PDE4B: variants seen among roughly 807,000 people sequenced by gnomAD.
PDE4B encodes the protein phosphodiesterase 4B.
Under a neutral mutation model 82.2 loss-of-function variants are expected in PDE4B, and 20 were observed. The observed-to-expected ratio is 0.24, with a 90% CI of 0.17 to 0.35. PDE4B has a LOEUF of 0.35. PDE4B is among the 10% of genes least tolerant of loss of function. The pLI is 1.00. For missense variants in PDE4B, 655 were observed against 907.2 expected, an observed-to-expected ratio of 0.72 and a Z score of 3.57; for synonymous variants, 320 against 318.9, an observed-to-expected ratio of 1.00 and a Z score of -0.04.
intron 1 of PDE4B, among the ~76,000 whole-genome samples, chr1:65,859,666 T>G (rs1299437335): frequency 1.3e-5 from 2 of 152,118 alleles, no homozygotes; most frequent in Non-Finnish European, 2.9e-5. Context: ...CAATATATGC[T>G]CAAAACAACA....
chr1:66,079,800 G>A (rs1448210783), intron 3 of PDE4B, among the ~76,000 whole-genome samples: 3 of 152,034 alleles, frequency 2.0e-5, no homozygotes, highest in African/African-American at 7.2e-5. Flanking sequence ...TGAAGTATGT[G>A]AGAACTCTAT....
chr1:65,993,808 G>C (rs562195857), intron 3 of PDE4B, among the ~76,000 whole-genome samples: 158 of 152,050 alleles, frequency 1.0e-3, no homozygotes, highest in African/African-American at 3.6e-3. Context: ...TAAATACCCA[G>C]CAAATAAATT....
intron 1 of PDE4B, among the ~76,000 whole-genome samples, chr1:65,809,332 C>CAAAAAAAAAAA (rs11366228): frequency 2.8e-5 from 2 of 72,514 alleles, no homozygotes; most frequent in Admixed American, 2.1e-4. Flanking sequence ...CTCCATCTCA[C>CAAAAAAAAAAA]AAAAAAAAAA....
chr1:66,107,458 T>C (rs1294307122), intron 3 of PDE4B, among the ~76,000 whole-genome samples: 1 of 151,830 alleles, frequency 6.6e-6, no homozygotes, highest in Non-Finnish European at 1.5e-5. Flanking sequence ...TGTTTTGATT[T>C]CTTCACTTAA....
At chr1:65,841,381 A>AAAGGAAAGGAAGG (rs1553190179) in intron 1 of PDE4B, among the ~76,000 whole-genome samples, 1 of 150,226 alleles carries the variant, frequency 6.7e-6, no homozygotes, top group Admixed American at 6.7e-5. Context: ...AAAGGAAAGG[A>AAAGGAAAGGAAGG]AAGGAAGGAA....
chr1:66,096,724 G>A (rs1326182325), intron 3 of PDE4B, among the ~76,000 whole-genome samples: 5 of 150,854 alleles, frequency 3.3e-5, no homozygotes, highest in Non-Finnish European at 7.4e-5. Context: ...TTTCTATTGG[G>A]CAATGTTTTC....
chr1:66,288,012 G>T (rs1357600651), intron 7 of PDE4B, among the ~76,000 whole-genome samples: 1 of 151,944 alleles, frequency 6.6e-6, no homozygotes, highest in East Asian at 1.9e-4. Context: ...GCCCATTATT[G>T]CATTGCCGTA....
intron 7 of PDE4B, among the ~76,000 whole-genome samples, chr1:66,299,679 A>G (rs1185018544): frequency 6.6e-6 from 1 of 152,138 alleles, no homozygotes; most frequent in Non-Finnish European, 1.5e-5. Flanking sequence ...TTTCCCATCA[A>G]CAGTTTATAA....
At chr1:65,894,044 T>C (rs139447452) in intron 1 of PDE4B, among the ~76,000 whole-genome samples, 185 of 152,128 alleles carry the variant, frequency 1.2e-3, no homozygotes, top group African/African-American at 4.0e-3. Flanking sequence ...TTGGGCACAG[T>C]GTACACTGCT....
chr1:65,872,427 C>T (rs938519936), intron 1 of PDE4B, among the ~76,000 whole-genome samples: 4 of 152,056 alleles, frequency 2.6e-5, no homozygotes, highest in South Asian at 2.1e-4. Context: ...TCAGTTGACA[C>T]TGGGCTCACT....
intron 1 of PDE4B, among the ~76,000 whole-genome samples, chr1:65,873,299 A>T (rs377675510): frequency 3.3e-5 from 5 of 152,326 alleles, no homozygotes; most frequent in East Asian, 1.9e-4. Context: ...CTCGGGAAGT[A>T]AGATGAGTAG....
At chr1:66,234,472 A>G (rs2101640213) in intron 3 of PDE4B, among the ~76,000 whole-genome samples, 1 of 152,284 alleles carries the variant, frequency 6.6e-6, no homozygotes, top group South Asian at 2.1e-4. Flanking sequence ...TGTTTTTAGT[A>G]GAGACAGGGT....
intron 1 of PDE4B, among the ~76,000 whole-genome samples, chr1:65,809,805 C>T (rs1164729700): frequency 2.6e-5 from 4 of 152,162 alleles, no homozygotes; most frequent in Admixed American, 2.0e-4. Flanking sequence ...GGTATTACTG[C>T]CTGACAAACT....
intron 3 of PDE4B, among the ~76,000 whole-genome samples, chr1:66,059,277 A>C (rs2100890132): frequency 6.6e-6 from 1 of 152,264 alleles, no homozygotes; most frequent in South Asian, 2.1e-4. Context: ...ACAAGTCTCT[A>C]GGAAGTTCCA....
At chr1:66,323,165 A>T (rs1369096965) in intron 7 of PDE4B, among the ~76,000 whole-genome samples, 1 of 152,140 alleles carries the variant, frequency 6.6e-6, no homozygotes, top group African/African-American at 2.4e-5. Context: ...AGATCTTTGC[A>T]TGGCCTTCCA....
At chr1:66,104,936 T>G (rs759915187) in intron 3 of PDE4B, among the ~76,000 whole-genome samples, 115 of 149,156 alleles carry the variant, frequency 7.7e-4, no homozygotes, top group Non-Finnish European at 1.3e-3. Context: ...AGAAGCTCTT[T>G]AGTTTAATTA....
intron 3 of PDE4B, among the ~76,000 whole-genome samples, chr1:66,245,355 A>G (rs1233091319): frequency 6.6e-6 from 1 of 152,150 alleles, no homozygotes; most frequent in Non-Finnish European, 1.5e-5. Flanking sequence ...ACTCATGCCC[A>G]CCATTAAGTT....
rs72918229 is a variant in PDE4B, at chr1:66,031,281, T to C, written c.281+112446T>C. Among the ~76,000 whole-genome samples, 1,272 of 152,248 alleles carry C rather than the reference T, an allele frequency of 8.4e-3. 16 individuals are homozygous for C. The highest frequency in any genetic ancestry group is 0.029 in the African/African-American group (1,190 of 41,550). ...TCTCTGTGGATTAATAAAAACCCAATTAATATTCTTTCTTTTTATTCTCAC... is the reference window on the plus strand; with the variant it reads ...TCTCTGTGGATTAATAAAAACCCAACTAATATTCTTTCTTTTTATTCTCAC... On this transcript the variant is annotated intron_variant, in intron 3 of 16. Transcript: ENST00000341517.
At chr1:66,316,620 G>T (rs1459759208) in intron 7 of PDE4B, among the ~76,000 whole-genome samples, 1 of 152,210 alleles carries the variant, frequency 6.6e-6, no homozygotes, top group Non-Finnish European at 1.5e-5. Context: ...GCACATTTAT[G>T]TTGGCAGGAT....
Sources: gnomAD v4.1 joint callset for allele counts (sites outside exome capture counted in the v4.1 genomes callset) on GRCh38, gnomAD v4.1.1 for gene constraint, MANE v1.5 for transcripts, NCBI Gene and HGNC (gene_info 2026-07-23, HGNC 2026-07-21) for gene names.